Variants in UNC93B1 observed in about 807,000 individuals in gnomAD.
UNC93B1 encodes the protein unc-93B1 regulator of TLR signaling.
Under a neutral mutation model 56.8 loss-of-function variants are expected in UNC93B1, and 33 were observed. The observed-to-expected ratio is 0.58, with a 90% CI of 0.44 to 0.78. The LOEUF is 0.78. Among genes scored for constraint, UNC93B1 ranks in the 30% least tolerant of loss-of-function variants. The probability of loss-of-function intolerance (pLI) is 0.00; values close to 1 mark genes in which losing one functional copy is unlikely to be tolerated. For synonymous variants in UNC93B1, 334 were observed against 358.6 expected, an observed-to-expected ratio of 0.93 and a Z score of 0.77; for missense variants, 673 against 819.5, an observed-to-expected ratio of 0.82 and a Z score of 2.18.
rs1590762298 is a variant in UNC93B1, at chr11:67,999,274, A to G, written c.586T>C (p.Tyr196His). The G allele has an allele frequency of 6.2e-7, 1 of 1,613,836 alleles. No individual in the cohort carries two copies. The highest frequency in any genetic ancestry group is 1.3e-5 in the African/African-American group (1 of 75,068). The change falls in exon 5 of 11, where the codon TAC becomes CAC. Residue 196 changes from tyrosine (Y) to histidine (H), a missense_variant. Physicochemically the swap from Tyr to His is moderately conservative, Grantham distance 83. Coordinates refer to ENST00000227471, the MANE Select transcript of UNC93B1 (RefSeq NM_030930.4). ...ATCCCCTGCCCATCCTGCTCCTTGTAGTGGGAGTACTCATGGTACTTCTGC... is the reference window on the plus strand; with the variant it reads ...ATCCCCTGCCCATCCTGCTCCTTGTGGTGGGAGTACTCATGGTACTTCTGC... ...MAQKYHEYSH[Y>H]KEQDGQGMKQ... is the part of the protein sequence containing the mutation.
intron 3 of UNC93B1, among the ~76,000 whole-genome samples, chr11:68,001,437 G>A (rs1049625918): frequency 1.3e-5 from 2 of 151,882 alleles, no homozygotes; most frequent in African/African-American, 4.8e-5. Flanking sequence ...GGGCTGGGGC[G>A]GGTGAATTTG....
chr11:68,001,454 G>A (rs1857043414), intron 3 of UNC93B1, among the ~76,000 whole-genome samples: 1 of 151,922 alleles, frequency 6.6e-6, no homozygotes, highest in Non-Finnish European at 1.5e-5. Context: ...TTTGAGACTG[G>A]CCTGAGCAAC....
chr11:68,000,856 T>G (rs1857034045), intron 3 of UNC93B1, among the ~76,000 whole-genome samples: 1 of 152,164 alleles, frequency 6.6e-6, no homozygotes, highest in Non-Finnish European at 1.5e-5. Context: ...TGTCTAAGAC[T>G]GGAGCAGCTT....
intron 4 of UNC93B1, 64 bp from the exon 5 acceptor site, chr11:67,999,369 C>T (rs1857006238): frequency 6.4e-7 from 1 of 1,563,760 alleles, no homozygotes; most frequent in Non-Finnish European, 8.7e-7. Context: ...GTGTCCTGCA[C>T]CCAGAGCTAG....
chr11:67,996,519 A>G (rs1169447247), intron 8 of UNC93B1, 83 bp downstream of exon 8: 1 of 1,452,968 alleles, frequency 6.9e-7, no homozygotes, highest in African/African-American at 1.4e-5. Context: ...TATGTAATTA[A>G]AAATTATTCT....
intron 10 of UNC93B1, among the ~76,000 whole-genome samples, chr11:67,992,106 A>G (rs531471892): frequency 6.6e-6 from 1 of 152,374 alleles, no homozygotes; most frequent in Admixed American, 6.5e-5. Context: ...TAAGGGGACA[A>G]TGCAAATCCC....
chr11:67,993,530 G>A, intron 10 of UNC93B1, 146 bp downstream of exon 10: 1 of 622,312 alleles, frequency 1.6e-6, no homozygotes, highest in South Asian at 1.8e-5. Flanking sequence ...GCTGAGTTGG[G>A]GGCCACCCAG....
Position 68,003,908 on chromosome 11 carries a change from C to T in UNC93B1, c.96+40G>A. 1 of 1,338,470 alleles carries T rather than the reference C, an allele frequency of 7.5e-7. No homozygotes were observed. The highest frequency in any genetic ancestry group is 3.0e-5 in the Admixed American group (1 of 33,486). 82.9% of individuals were successfully genotyped at this position (1,338,470 alleles called of 1,614,324 possible). On this transcript the variant is annotated intron_variant, in intron 1 of 10. Coordinates refer to ENST00000227471, the MANE Select transcript of UNC93B1 (RefSeq NM_030930.4). This position sits in a 1 kb window ranked among gnomAD's most constrained non-coding sequence, Gnocchi z 4.4. ...CCCCCGCCGGGGGGACCCTGGCCCA[C>T]AGGGGACGCCCGCGCCTCGCACTCC...
intron 3 of UNC93B1, among the ~76,000 whole-genome samples, chr11:68,000,367 GAA>G: frequency 6.6e-6 from 1 of 152,342 alleles, no homozygotes; most frequent in Middle Eastern, 3.4e-3. Flanking sequence ...GATGTGGTTT[GAA>G]AGTGGCACAT....
chr11:68,003,964 T>C lies in UNC93B1; in HGVS notation c.80A>G (p.Asp27Gly). Residue 27 changes from aspartate to glycine, a missense_variant, in exon 1 of 11, where the codon GAC (aspartate) becomes GGC (glycine). Asp to Gly is a moderately conservative substitution (Grantham distance 94). Coordinates refer to ENST00000227471, the MANE Select transcript of UNC93B1 (RefSeq NM_030930.4). This position sits in a 1 kb window ranked among gnomAD's most constrained non-coding sequence, Gnocchi z 4.4. ...QGDEDLLGVP[D>G]GPEAPLDELV... ...CCCGCTCACCGGGGCCTCGGGCCCG[T>C]CCGGGACCCCGAGCAGGTCCTCGTC... 7.2e-7 allele frequency: 1 copy of C among 1,394,134 alleles called. No individual in the cohort carries two copies. The highest frequency in any genetic ancestry group is 9.3e-7 in the Non-Finnish European group (1 of 1,070,598). The allele number at this position is 1,394,134 out of a possible 1,614,324, so 86.4% of individuals were successfully genotyped here. A position where few individuals can be genotyped will look rare whatever the true frequency, so the allele number is the denominator to read the frequency against.
chr11:68,003,569 C>A lies in UNC93B1; in HGVS notation c.238+88G>T. 2 of 1,450,296 alleles carry A rather than the reference C, an allele frequency of 1.4e-6. No individual in the cohort carries two copies. The highest frequency in any genetic ancestry group is 2.9e-5 in the East Asian group (1 of 34,776). 89.8% of individuals were successfully genotyped at this position (1,450,296 alleles called of 1,614,324 possible). A position where few individuals can be genotyped will look rare whatever the true frequency, so the allele number is the denominator to read the frequency against. On this transcript the variant is annotated intron_variant, in intron 2 of 10. Transcript: ENST00000227471. The surrounding 1 kb of genome is among the most constrained non-coding windows in gnomAD (Gnocchi z 4.4). Reference sequence around the variant, plus strand: ...GAGGGCAGCGGAGGGGAAGTGAGAGCGGGCGGGAGGCGGCGGCCCGCGGTT... The same window carrying A: ...GAGGGCAGCGGAGGGGAAGTGAGAGAGGGCGGGAGGCGGCGGCCCGCGGTT...
chr11:67,994,228 A>C (rs308292), intron 9 of UNC93B1, among the ~76,000 whole-genome samples: 80,569 of 152,018 alleles, frequency 0.53, 24,493 homozygotes, highest in African/African-American at 0.85. Context: ...GAGAGGGGGG[A>C]TTCCTTTCCA....
At position 67,991,798 on chromosome 11, in the gene UNC93B1, C is replaced by T; in HGVS notation, c.1542G>A (p.Met514Ile). 3 of 1,551,528 alleles carry T rather than the reference C, an allele frequency of 1.9e-6. No individual in the cohort carries two copies. The highest frequency in any genetic ancestry group is 2.6e-6 in the Non-Finnish European group (3 of 1,157,396). The change falls in exon 11 of 11, where the codon ATG (methionine) becomes ATA (isoleucine). Residue 514 changes from methionine (M) to isoleucine (I), a missense_variant. This residue lies in a region of UNC93B1 where 155 missense variants were observed against 268.3 expected (regional missense o/e 0.58). Transcript: ENST00000227471. ...LVAAAVSYLR[M>I]EQKLRRGVAP... Reference sequence around the variant, plus strand: ...CCACGCCCCGGCGCAGCTTCTGCTCCATCCGCAGGTAGGAGACCGCGGCCG... The same window carrying T: ...CCACGCCCCGGCGCAGCTTCTGCTCTATCCGCAGGTAGGAGACCGCGGCCG...
rs1195349805 is a variant in UNC93B1, at chr11:68,003,684, C to T, written c.211G>A (p.Gly71Ser). The T allele has an allele frequency of 2.0e-6, 3 of 1,529,764 alleles. No individual in the cohort carries two copies. The highest frequency in any genetic ancestry group is 4.0e-5 in the Admixed American group (2 of 50,446). The allele number at this position is 1,529,764 out of a possible 1,614,324, so 94.8% of individuals were successfully genotyped here. ...LKNVLAASAG[G>S]MLTYGVYLGL... ...AGGTAGACGCCGTAGGTGAGCATGC[C>T]CCCGGCGCTGGCAGCCAGCACGTTC... is the stretch of plus-strand genomic sequence containing the variant. The change falls in exon 2 of 11, where the codon GGC becomes AGC. Residue 71 changes from glycine (G) to serine (S), a missense_variant. Transcript: ENST00000227471. This position sits in a 1 kb window ranked among gnomAD's most constrained non-coding sequence, Gnocchi z 4.4.
Position 68,003,975 on chromosome 11 carries a change from G to T in UNC93B1, c.69C>A (p.Leu23=). 2 of 1,398,900 alleles carry T rather than the reference G, an allele frequency of 1.4e-6. No homozygotes were observed. The highest frequency in any genetic ancestry group is 1.5e-5 in the South Asian group (1 of 66,312). 86.7% of individuals were successfully genotyped at this position (1,398,900 alleles called of 1,614,324 possible). Residue 23 remains leucine (L), a synonymous_variant, in exon 1 of 11, where the codon CTC becomes CTA. Coordinates refer to ENST00000227471, the MANE Select transcript of UNC93B1 (RefSeq NM_030930.4). This position sits in a 1 kb window ranked among gnomAD's most constrained non-coding sequence, Gnocchi z 4.4. ...GGGCCTCGGGCCCGTCCGGGACCCC[G>T]AGCAGGTCCTCGTCGCCCTGCGGCC... is the stretch of plus-strand genomic sequence containing the variant. ...AAGPQGDEDL[L]GVPDGPEAPL...
chr11:68,003,522 G>T lies in UNC93B1; in HGVS notation c.238+135C>A. ...GACCCCCCAACCCCACCCCCGCCGCGGGGGGCCGTGGCTGCAGCTGCGAGG... is the reference window on the plus strand; with the variant it reads ...GACCCCCCAACCCCACCCCCGCCGCTGGGGGCCGTGGCTGCAGCTGCGAGG... On this transcript the variant is annotated intron_variant, in intron 2 of 10. Coordinates refer to ENST00000227471, the MANE Select transcript of UNC93B1 (RefSeq NM_030930.4). This position sits in a 1 kb window ranked among gnomAD's most constrained non-coding sequence, Gnocchi z 4.4. 7.7e-7 allele frequency: 1 copy of T among 1,294,596 alleles called. No individual in the cohort carries two copies. Among genetic ancestry groups the T allele is most frequent in the Non-Finnish European group, 1.0e-6 (1 of 996,206 alleles). 80.2% of individuals were successfully genotyped at this position (1,294,596 alleles called of 1,614,324 possible). A position where few individuals can be genotyped will look rare whatever the true frequency, so the allele number is the denominator to read the frequency against.
At chr11:67,999,338 C>T (rs1300281967) in intron 4 of UNC93B1, 33 bp from the exon 5 acceptor site, 6 of 1,589,820 alleles carry the variant, frequency 3.8e-6, no homozygotes, top group African/African-American at 1.3e-5. Context: ...CTCTCCCCAG[C>T]CCGACCTGTG....
In UNC93B1 at chr11:67,991,170, A is replaced by T. The variant is rs1856831523; in HGVS notation, c.*376T>A. On this transcript the variant is annotated 3_prime_UTR_variant, in exon 11 of 11. Transcript: ENST00000227471. ...TCGTGGCTCTCGGCGGACCCTGGGGATAGGAGGTGCAAAGTGCGCTCACAC... is the reference window on the plus strand; with the variant it reads ...TCGTGGCTCTCGGCGGACCCTGGGGTTAGGAGGTGCAAAGTGCGCTCACAC... 9.4e-6 allele frequency: 2 copies of T among 212,128 alleles called. No homozygotes were observed. The highest frequency in any genetic ancestry group is 4.6e-5 in the African/African-American group (2 of 43,542). 13.1% of individuals were successfully genotyped at this position (212,128 alleles called of 1,614,324 possible).
chr11:68,002,222 G>A lies in UNC93B1; in HGVS notation c.392+800C>T, dbSNP rs866541474. On this transcript the variant is annotated intron_variant, in intron 3 of 10. Transcript: ENST00000227471. Reference sequence around the variant, plus strand: ...CACACACACACACACACACACACACGGGCACGTCCACACACGTGCTCTGGG... The same window carrying A: ...CACACACACACACACACACACACACAGGCACGTCCACACACGTGCTCTGGG... Among the ~76,000 whole-genome samples the A allele has an allele frequency of 7.1e-3, 435 of 61,682 alleles. 1 individual carries two copies. In the Middle Eastern group the frequency reaches 0.096, roughly 14 times the overall value. The allele number at this position is 61,682 out of a possible 152,430, so 40.5% of individuals were successfully genotyped here. A position where few individuals can be genotyped will look rare whatever the true frequency, so the allele number is the denominator to read the frequency against.
Sources: allele counts gnomAD v4.1 joint callset (sites outside exome capture counted in the v4.1 genomes callset), GRCh38; gene constraint gnomAD v4.1.1; regional missense constraint gnomAD v4.1.1; non-coding constraint Gnocchi (gnomAD v3.1); transcripts MANE v1.5; gene names NCBI Gene and HGNC (gene_info 2026-07-23, HGNC 2026-07-21).